Variants in TRPC7 observed in about 807,000 individuals in gnomAD.
The protein encoded by TRPC7 is short transient receptor potential channel 7.
TRPC7 carries 42 observed loss-of-function variants against 90.1 expected under a neutral mutation model. That is an observed-to-expected ratio of 0.47 (90% CI 0.36 to 0.60). TRPC7 has a LOEUF of 0.60. Among genes scored for constraint, TRPC7 ranks in the 20% least tolerant of loss-of-function variants. The pLI is 0.00. For synonymous variants in TRPC7, 451 were observed against 436.3 expected (o/e 1.03, Z -0.42); for missense variants, 955 against 1,112.3 (o/e 0.86, Z 2.01).
At chr5:136,346,044 G>T (rs1759993635) in intron 2 of TRPC7, among the ~76,000 whole-genome samples, 1 of 152,058 alleles carries the variant, frequency 6.6e-6, no homozygotes, top group African/African-American at 2.4e-5. Context: ...GCCCTGTTCT[G>T]TTCTGTTCCA....
intron 1 of TRPC7, among the ~76,000 whole-genome samples, chr5:136,360,567 C>A (rs533227462): frequency 6.6e-6 from 1 of 152,182 alleles, no homozygotes; most frequent in African/African-American, 2.4e-5. Flanking sequence ...AAAGCAGACA[C>A]CCAGATGTAG....
chr5:136,360,150 A>G (rs1186887691), intron 1 of TRPC7, among the ~76,000 whole-genome samples: 2 of 152,184 alleles, frequency 1.3e-5, no homozygotes, highest in African/African-American at 4.8e-5. Flanking sequence ...CTACTGAACC[A>G]AGTCATAGCA....
At chr5:136,214,617 T>C (rs912318474) in intron 11 of TRPC7, among the ~76,000 whole-genome samples, 1 of 152,198 alleles carries the variant, frequency 6.6e-6, no homozygotes, top group African/African-American at 2.4e-5. Context: ...TACATACTGC[T>C]TGAGGCTGGC....
chr5:136,297,860 C>A (rs1474368142), intron 3 of TRPC7, among the ~76,000 whole-genome samples: 1 of 152,212 alleles, frequency 6.6e-6, no homozygotes, highest in Non-Finnish European at 1.5e-5. Context: ...CTCAAGAGAG[C>A]TCTGTGAGTT....
chr5:136,290,084 G>A (rs1757884201), intron 3 of TRPC7, among the ~76,000 whole-genome samples: 1 of 152,146 alleles, frequency 6.6e-6, no homozygotes, highest in Non-Finnish European at 1.5e-5. Flanking sequence ...TGAGGGTCCT[G>A]ACTGTTAGAA....
At chr5:136,330,005 C>T (rs149871647) in intron 2 of TRPC7, among the ~76,000 whole-genome samples, 2 of 152,286 alleles carry the variant, frequency 1.3e-5, no homozygotes, top group African/African-American at 2.4e-5. Flanking sequence ...ACCACCTTAT[C>T]ACCCACAGGT....
At chr5:136,300,874 G>A (rs1758355884) in intron 3 of TRPC7, among the ~76,000 whole-genome samples, 2 of 152,196 alleles carry the variant, frequency 1.3e-5, no homozygotes, top group Non-Finnish European at 2.9e-5. Flanking sequence ...GGCATGTACT[G>A]TTCTCAGCCT....
chr5:136,260,361 T>C (rs897523262), intron 5 of TRPC7, among the ~76,000 whole-genome samples: 22 of 151,950 alleles, frequency 1.4e-4, no homozygotes, highest in African/African-American at 5.3e-4. Context: ...ACAGTAGGGG[T>C]GGGAGGACTT....
At position 136,266,430 on chromosome 5, in the gene TRPC7, G is replaced by T. The variant is rs572815473; in HGVS notation, c.1135C>A (p.Arg379=). ...TTCATGAAAGGGCTCCTCAGGGTTCGTCCTAGCTGGAAAGAAAATGTGTTC... is the reference window on the plus strand; with the variant it reads ...TTCATGAAAGGGCTCCTCAGGGTTCTTCCTAGCTGGAAAGAAAATGTGTTC... ...YWIAPCSKLG[R]TLRSPFMKFV... is the part of the protein sequence containing the mutation. The change falls in exon 5 of 12, where the codon CGA becomes AGA. Residue 379 remains arginine, a synonymous_variant. Coordinates refer to ENST00000513104, the MANE Select transcript of TRPC7 (RefSeq NM_020389.3). 5.0e-6 allele frequency: 8 copies of T among 1,612,916 alleles called. No homozygotes were observed. Among genetic ancestry groups the T allele is most frequent in the South Asian group, 4.4e-5 (4 of 90,974 alleles).
intron 3 of TRPC7, among the ~76,000 whole-genome samples, chr5:136,313,317 G>A (rs2149838165): frequency 6.6e-6 from 1 of 152,252 alleles, no homozygotes; most frequent in African/African-American, 2.4e-5. Flanking sequence ...TGCCATGTGG[G>A]CAGAATCTTG....
chr5:136,273,852 G>T (rs561296779), intron 4 of TRPC7, among the ~76,000 whole-genome samples: 1 of 152,264 alleles, frequency 6.6e-6, no homozygotes, highest in Admixed American at 6.5e-5. Flanking sequence ...GCATGGTTTG[G>T]TCTTAAAAGC....
At chr5:136,234,031 G>C (rs1339532342) in intron 7 of TRPC7, among the ~76,000 whole-genome samples, 16 of 152,126 alleles carry the variant, frequency 1.1e-4, no homozygotes, top group Admixed American at 9.8e-4. Context: ...TCCTTTACCT[G>C]ACCCCCGCAG....
rs531434694 is a variant in TRPC7, at chr5:136,232,273, G to C, written c.1845-724C>G. Among the ~76,000 whole-genome samples the C allele has an allele frequency of 3.3e-5, 5 of 152,316 alleles. No individual in the cohort carries two copies. The East Asian group carries it at 9.6e-4, about 29-fold the overall frequency. ...CTCCACAGCCCACGTGAAGGGGAGT[G>C]ATGGCAGACACCTGGAAAGTGGGCA... On this transcript the variant is annotated intron_variant, in intron 7 of 11. Coordinates refer to ENST00000513104, the MANE Select transcript of TRPC7 (RefSeq NM_020389.3).
chr5:136,326,686 T>C (rs1333243867), intron 2 of TRPC7, among the ~76,000 whole-genome samples: 1 of 152,194 alleles, frequency 6.6e-6, no homozygotes, highest in Non-Finnish European at 1.5e-5. Context: ...TTGTTTTTTT[T>C]CCTAACCACA....
chr5:136,310,491 A>T (rs1051043756), intron 3 of TRPC7, among the ~76,000 whole-genome samples: 2 of 152,286 alleles, frequency 1.3e-5, no homozygotes, highest in South Asian at 4.2e-4. Context: ...GGAATAACCC[A>T]GGGAGCCTGG....
At chr5:136,280,188 C>A (rs1389865219) in intron 3 of TRPC7, among the ~76,000 whole-genome samples, 1 of 151,466 alleles carries the variant, frequency 6.6e-6, no homozygotes, top group East Asian at 1.9e-4. Context: ...ACAAAAAACA[C>A]CCAACTTCCT....
chr5:136,239,215 G>A (rs1662564800), intron 7 of TRPC7, among the ~76,000 whole-genome samples: 1 of 152,150 alleles, frequency 6.6e-6, no homozygotes, highest in Non-Finnish European at 1.5e-5. Flanking sequence ...TCGAATTCCT[G>A]GGCTCAAGCA....
At chr5:136,255,442 G>A (rs1756658743) in intron 5 of TRPC7, among the ~76,000 whole-genome samples, 2 of 152,226 alleles carry the variant, frequency 1.3e-5, no homozygotes, top group Non-Finnish European at 2.9e-5. Context: ...AGGCTCAGAT[G>A]ATTGTTAGCA....
intron 2 of TRPC7, among the ~76,000 whole-genome samples, chr5:136,326,718 A>T (rs1039151528): frequency 6.6e-6 from 1 of 152,154 alleles, no homozygotes; most frequent in Non-Finnish European, 1.5e-5. Flanking sequence ...GGGTGCTAGC[A>T]TGGAGCAGAT....
Sources: gnomAD v4.1 joint callset for allele counts (sites outside exome capture counted in the v4.1 genomes callset) on GRCh38, gnomAD v4.1.1 for gene constraint, MANE v1.5 for transcripts, NCBI Gene and HGNC (gene_info 2026-07-23, HGNC 2026-07-21) for gene names.